Variants in FBXL13 observed in about 807,000 individuals in gnomAD.
FBXL13 encodes F-box and leucine-rich repeat protein 13.
Under a neutral mutation model 83.6 loss-of-function variants are expected in FBXL13, and 67 were observed. That is an observed-to-expected ratio of 0.80 (90% CI 0.66 to 0.98). The LOEUF is 0.98. Ranked by LOEUF, FBXL13 falls within the 50% of genes least tolerant of loss-of-function variation. The probability of loss-of-function intolerance (pLI) is 0.00; values close to 1 mark genes in which losing one functional copy is unlikely to be tolerated. For missense variants in FBXL13, 822 were observed against 866.5 expected, an observed-to-expected ratio of 0.95 and a Z score of 0.64; for synonymous variants, 272 against 299.5, an observed-to-expected ratio of 0.91 and a Z score of 0.95.
chr7:103,024,148 AG>A (rs1336063719), intron 6 of FBXL13, among the ~76,000 whole-genome samples: 2 of 59,884 alleles, frequency 3.3e-5, no homozygotes, highest in East Asian at 2.0e-3. Context: ...AGAGAGAGAG[AG>A]AGAGAGAGAG....
At chr7:102,875,056 G>T (rs555257478) in intron 16 of FBXL13, among the ~76,000 whole-genome samples, 1 of 152,164 alleles carries the variant, frequency 6.6e-6, no homozygotes, top group African/African-American at 2.4e-5. Flanking sequence ...ATTATATTTT[G>T]ATGTGTTTTA....
chr7:102,963,760 T>C (rs1300605790), intron 7 of FBXL13, 95 bp from the exon 9 acceptor site: 11 of 1,224,774 alleles, frequency 9.0e-6, no homozygotes, highest in African/African-American at 1.5e-5. Flanking sequence ...CTAATTAAAC[T>C]AAAGAGCTTC....
intron 17 of FBXL13, among the ~76,000 whole-genome samples, chr7:102,835,648 C>T (rs887371186): frequency 3.1e-5 from 3 of 97,890 alleles, no homozygotes; most frequent in East Asian, 3.5e-4. Context: ...CTCGCTCTGT[C>T]GCCCAGGCTG....
chr7:103,025,334 C>A, intron 5 of FBXL13, 104 bp from the exon 7 acceptor site: 1 of 629,474 alleles, frequency 1.6e-6, no homozygotes. Context: ...ACCAATTAAA[C>A]ATTATTTATG....
intron 7 of FBXL13, among the ~76,000 whole-genome samples, chr7:102,965,117 G>C (rs2129479979): frequency 6.6e-6 from 1 of 152,264 alleles, no homozygotes; most frequent in South Asian, 2.1e-4. Context: ...TGGGACTCAG[G>C]GCTCAAAGTT....
chr7:103,050,802 C>T (rs1019158292), intron 2 of FBXL13, among the ~76,000 whole-genome samples: 1 of 152,230 alleles, frequency 6.6e-6, no homozygotes, highest in Admixed American at 6.5e-5. Context: ...GAAAAAGCTT[C>T]CCATGTCCCA....
intron 8 of FBXL13, among the ~76,000 whole-genome samples, chr7:102,934,948 G>A (rs1291796413): frequency 1.3e-5 from 2 of 152,188 alleles, no homozygotes; most frequent in Admixed American, 1.3e-4. Context: ...CACATCGCAA[G>A]CTGTCACTGT....
chr7:103,009,646 T>C (rs1791380026), intron 6 of FBXL13, among the ~76,000 whole-genome samples: 2 of 152,236 alleles, frequency 1.3e-5, no homozygotes, highest in South Asian at 2.1e-4. Flanking sequence ...ACCAGCACTA[T>C]AGCCCCAGTA....
chr7:102,919,453 G>T (rs1371844736), intron 10 of FBXL13, among the ~76,000 whole-genome samples: 1 of 152,090 alleles, frequency 6.6e-6, no homozygotes, highest in Non-Finnish European at 1.5e-5. Flanking sequence ...CCCTAGCTGA[G>T]AAAAAATATA....
intron 8 of FBXL13, among the ~76,000 whole-genome samples, chr7:102,935,858 G>C (rs1434925488): frequency 6.6e-6 from 1 of 152,134 alleles, no homozygotes; most frequent in East Asian, 1.9e-4. Flanking sequence ...GGGAAATTTT[G>C]CTATGTTTTG....
chr7:102,961,591 CA>C (rs1825220911), intron 8 of FBXL13, among the ~76,000 whole-genome samples: 1 of 151,006 alleles, frequency 6.6e-6, no homozygotes, highest in African/African-American at 2.4e-5. Flanking sequence ...AACTATACTA[CA>C]AGGCTACAGT....
chr7:102,942,962 G>A (rs969938588), intron 8 of FBXL13, among the ~76,000 whole-genome samples: 16 of 152,138 alleles, frequency 1.1e-4, no homozygotes, highest in African/African-American at 3.9e-4. Context: ...CCCAGGTGTA[G>A]ATTTCTTTGC....
intron 6 of FBXL13, among the ~76,000 whole-genome samples, chr7:102,997,730 T>C (rs1789960230): frequency 6.6e-6 from 1 of 152,220 alleles, no homozygotes; most frequent in Non-Finnish European, 1.5e-5. Context: ...TCCATCCATA[T>C]TGCTGCAAAT....
chr7:102,893,968 A>G (rs866518538), intron 11 of FBXL13, among the ~76,000 whole-genome samples: 2,030 of 140,976 alleles, frequency 0.014, 55 homozygotes, highest in African/African-American at 0.052. Context: ...GAAAGAGAGA[A>G]AGAAAGAAAG....
In FBXL13 at chr7:102,906,072, G is replaced by A. The variant is rs116579499; in HGVS notation, c.1008+7014C>T. 3.7e-3 allele frequency among the ~76,000 whole-genome samples: 566 copies of A among 152,218 alleles called. 5 individuals carry two copies. Among genetic ancestry groups the A allele is most frequent in the African/African-American group, 0.013 (559 of 41,526 alleles). ...TATATGGCGGCAGCAAGAAAAAAAC[G>A]AGAAAGATGCAAAAGCGGAAGCCCC... On this transcript the variant is annotated intron_variant, in intron 11 of 19. Coordinates refer to ENST00000313221, the Ensembl canonical transcript of FBXL13.
chr7:102,864,637 G>A (rs973858546), intron 16 of FBXL13, among the ~76,000 whole-genome samples: 2 of 152,078 alleles, frequency 1.3e-5, no homozygotes, highest in Non-Finnish European at 2.9e-5. Flanking sequence ...CCAAAGTGCT[G>A]GGATTACAGG....
At chr7:102,861,774 G>A (rs1201572897) in intron 16 of FBXL13, among the ~76,000 whole-genome samples, 1 of 151,918 alleles carries the variant, frequency 6.6e-6, no homozygotes, top group African/African-American at 2.4e-5. Context: ...CTGAGGTCAG[G>A]AGTTCACGAC....
intron 2 of FBXL13, among the ~76,000 whole-genome samples, chr7:103,041,544 C>T (rs1795697772): frequency 6.6e-6 from 1 of 152,136 alleles, no homozygotes; most frequent in Admixed American, 6.5e-5. Flanking sequence ...GGCCAATATC[C>T]CTGATGAACA....
intron 6 of FBXL13, among the ~76,000 whole-genome samples, chr7:102,992,264 T>C (rs1829656346): frequency 6.6e-6 from 1 of 152,186 alleles, no homozygotes; most frequent in Non-Finnish European, 1.5e-5. Context: ...AAGTGGATAC[T>C]CAAGGCCTCA....
Sources: gnomAD v4.1 joint callset for allele counts (sites outside exome capture counted in the v4.1 genomes callset) on GRCh38, gnomAD v4.1.1 for gene constraint, MANE v1.5 for transcripts, NCBI Gene and HGNC (gene_info 2026-07-23, HGNC 2026-07-21) for gene names.